FHOD3: variants seen among roughly 807,000 people sequenced by gnomAD.
The protein encoded by FHOD3 is FH1/FH2 domain-containing protein 3.
FHOD3 carries 90 observed loss-of-function variants against 173.0 expected under a neutral mutation model. The observed-to-expected ratio is 0.52, with a 90% CI of 0.44 to 0.62. FHOD3 has a LOEUF of 0.62. Ranked by LOEUF, FHOD3 falls within the 20% of genes least tolerant of loss-of-function variation. The probability of loss-of-function intolerance (pLI) is 0.00; values close to 1 mark genes in which losing one functional copy is unlikely to be tolerated. For synonymous variants in FHOD3, 828 were observed against 823.0 expected (o/e 1.01, Z -0.10); for missense variants, 1,945 against 2,034.7 (o/e 0.96, Z 0.85).
intron 5 of FHOD3, among the ~76,000 whole-genome samples, chr18:36,553,664 A>C (rs1158608924): frequency 1.3e-5 from 2 of 152,220 alleles, no homozygotes; most frequent in Non-Finnish European, 2.9e-5. Context: ...CGGCTTCTGC[A>C]TGGCAAAAGA....
At chr18:36,342,841 C>G (rs2045691514) in intron 1 of FHOD3, among the ~76,000 whole-genome samples, 1 of 152,118 alleles carries the variant, frequency 6.6e-6, no homozygotes, top group Non-Finnish European at 1.5e-5. Context: ...ACCAATAGCA[C>G]AATTTTAAAA....
At chr18:36,740,254 A>G (rs1198746014) in intron 20 of FHOD3, among the ~76,000 whole-genome samples, 2 of 152,226 alleles carry the variant, frequency 1.3e-5, no homozygotes, top group Non-Finnish European at 2.9e-5. Flanking sequence ...TACAGTTAAA[A>G]TGATTATATG....
At chr18:36,617,965 A>G (rs955616032) in intron 9 of FHOD3, among the ~76,000 whole-genome samples, 1 of 152,138 alleles carries the variant, frequency 6.6e-6, no homozygotes, top group Admixed American at 6.6e-5. Flanking sequence ...AGGAATTTTT[A>G]TTAGTCTGTT....
chr18:36,462,288 C>CGTGTGTGT lies in FHOD3; in HGVS notation c.338-39631_338-39624dup, dbSNP rs148480762. On this transcript the variant is annotated intron_variant, in intron 3 of 28. Coordinates refer to ENST00000590592, the MANE Select transcript of FHOD3 (RefSeq NM_001281740.3). ...TCCAGCTACCTTCCTTCAGTTCTCT[C>CGTGTGTGT]GTGTGTGTGTGTGTGTGTGTTTGTT... Among the ~76,000 whole-genome samples, 35 of 149,738 alleles carry CGTGTGTGT rather than the reference C, an allele frequency of 2.3e-4. 1 individual carries two copies. Among genetic ancestry groups the CGTGTGTGT allele is most frequent in the South Asian group, 1.9e-3 (9 of 4,764 alleles).
intron 1 of FHOD3, among the ~76,000 whole-genome samples, chr18:36,316,996 A>C (rs1321443658): frequency 5.9e-5 from 9 of 151,514 alleles, no homozygotes; most frequent in Non-Finnish European, 1.2e-4. Context: ...TCCTTGTGAT[A>C]GTTTGCTGAG....
chr18:36,728,248 C>T (rs757198986), intron 19 of FHOD3, among the ~76,000 whole-genome samples: 5 of 152,134 alleles, frequency 3.3e-5, no homozygotes, highest in Admixed American at 6.6e-5. Context: ...CAGCAGTGCC[C>T]GGAGAAGCAG....
rs370674693 is a variant in FHOD3 at position 36,460,495 on chromosome 18, C to T, written c.338-41437C>T. Among the ~76,000 whole-genome samples, 17 of 152,322 alleles carry T rather than the reference C, an allele frequency of 1.1e-4. 1 individual carries two copies. Among genetic ancestry groups the T allele is most frequent in the Admixed American group, 3.9e-4 (6 of 15,302 alleles). ...ACAATCATTGTGTGATGTGCTAACCCGGAGGTCCTTTTTCCAGGGAGCATT... is the reference window on the plus strand; with the variant it reads ...ACAATCATTGTGTGATGTGCTAACCTGGAGGTCCTTTTTCCAGGGAGCATT... On this transcript the variant is annotated intron_variant, in intron 3 of 28. Coordinates refer to ENST00000590592, the MANE Select transcript of FHOD3 (RefSeq NM_001281740.3).
At chr18:36,765,343 A>G (rs1292937593) in intron 27 of FHOD3, among the ~76,000 whole-genome samples, 3 of 152,200 alleles carry the variant, frequency 2.0e-5, no homozygotes, top group African/African-American at 7.2e-5. Flanking sequence ...ACCTCACTGT[A>G]TCTGTTAATA....
chr18:36,340,268 G>A lies in FHOD3; in HGVS notation c.166-15271G>A, dbSNP rs140203751. On this transcript the variant is annotated intron_variant, in intron 1 of 28. Coordinates refer to ENST00000590592, the MANE Select transcript of FHOD3 (RefSeq NM_001281740.3). ...TTCAATTTTTAAGTGCGTGAATTTG[G>A]TTATGTAGTTTAGCCACCTAGGAGT... is the stretch of plus-strand genomic sequence containing the variant. Among the ~76,000 whole-genome samples the A allele has an allele frequency of 2.8e-3, 429 of 152,242 alleles. 3 individuals are homozygous for A. The highest frequency in any genetic ancestry group is 4.5e-3 in the Non-Finnish European group (309 of 68,020).
intron 1 of FHOD3, among the ~76,000 whole-genome samples, chr18:36,315,961 T>G (rs2044096777): frequency 6.6e-6 from 1 of 152,070 alleles, no homozygotes; most frequent in Admixed American, 6.6e-5. Flanking sequence ...CACGCACCGT[T>G]CTGTGGCTGA....
chr18:36,476,418 C>T (rs2053578236), intron 3 of FHOD3, among the ~76,000 whole-genome samples: 1 of 152,194 alleles, frequency 6.6e-6, no homozygotes, highest in African/African-American at 2.4e-5. Context: ...TGTTAGGCTG[C>T]ACCAGGCGAG....
At chr18:36,388,616 C>T (rs930814186) in intron 3 of FHOD3, among the ~76,000 whole-genome samples, 2 of 152,152 alleles carry the variant, frequency 1.3e-5, no homozygotes, top group Non-Finnish European at 2.9e-5. Context: ...CAATGCAGAT[C>T]CATCCCCAGG....
intron 18 of FHOD3, among the ~76,000 whole-genome samples, chr18:36,715,201 C>A (rs1293220986): frequency 6.6e-6 from 1 of 152,182 alleles, no homozygotes; most frequent in African/African-American, 2.4e-5. Context: ...ATGGGAGGGA[C>A]CAGGTGAAAA....
At chr18:36,519,625 G>A (rs1291784082) in intron 5 of FHOD3, among the ~76,000 whole-genome samples, 3 of 152,210 alleles carry the variant, frequency 2.0e-5, no homozygotes, top group Admixed American at 2.0e-4. Flanking sequence ...TGGGCAAGGA[G>A]CTCCTGCCAG....
intron 2 of FHOD3, among the ~76,000 whole-genome samples, chr18:36,365,627 A>G (rs1484702878): frequency 7.9e-5 from 12 of 152,226 alleles, no homozygotes. Flanking sequence ...TGAAGATACT[A>G]ATAATCAGTG....
At position 36,742,885 on chromosome 18, in the gene FHOD3, GC is replaced by G. The variant is rs757203637; in HGVS notation, c.3879+36del. On this transcript the variant is annotated intron_variant, in intron 22 of 28. Transcript: ENST00000590592. ...AGTCATCCCCATCCCTCATCCTGTAGCCCCCCCTTGTCACAAAATCCCTGCC... is the reference window on the plus strand; with the variant it reads ...AGTCATCCCCATCCCTCATCCTGTAGCCCCCCTTGTCACAAAATCCCTGCC... 2.9e-5 allele frequency: 47 copies of G among 1,595,886 alleles called. No homozygotes were observed. The East Asian group carries it at 9.4e-4, about 32-fold the overall frequency.
intron 3 of FHOD3, among the ~76,000 whole-genome samples, chr18:36,493,314 T>A (rs759253115): frequency 4.6e-5 from 7 of 152,110 alleles, no homozygotes; most frequent in Non-Finnish European, 8.8e-5. Flanking sequence ...CCAAGCAATT[T>A]TTTTTCACTG....
chr18:36,564,729 G>A (rs2058205095), intron 5 of FHOD3, among the ~76,000 whole-genome samples: 1 of 152,074 alleles, frequency 6.6e-6, no homozygotes, highest in African/African-American at 2.4e-5. Flanking sequence ...AGGAGGGAGG[G>A]GAGACGGGCC....
At chr18:36,629,848 G>A (rs1307048840) in intron 10 of FHOD3, among the ~76,000 whole-genome samples, 1 of 152,084 alleles carries the variant, frequency 6.6e-6, no homozygotes, top group Admixed American at 6.6e-5. Flanking sequence ...TCGGGCAGTG[G>A]TTCTTGACCG....
Sources: allele counts gnomAD v4.1 joint callset (sites outside exome capture counted in the v4.1 genomes callset), GRCh38; gene constraint gnomAD v4.1.1; transcripts MANE v1.5; gene names NCBI Gene and HGNC (gene_info 2026-07-23, HGNC 2026-07-21).